PPARGC1A: variants seen among roughly 807,000 people sequenced by gnomAD.
PPARGC1A encodes the protein PPARG coactivator 1 alpha.
Under a neutral mutation model 88.7 loss-of-function variants are expected in PPARGC1A, and 25 were observed. That is an observed-to-expected ratio of 0.28 (90% CI 0.21 to 0.39). The LOEUF (loss-of-function observed/expected upper bound fraction) is 0.39. PPARGC1A is among the 10% of genes least tolerant of loss of function. The pLI, the probability that PPARGC1A is intolerant of heterozygous loss-of-function variation, is 1.00. For missense variants in PPARGC1A, 880 were observed against 968.7 expected, an observed-to-expected ratio of 0.91 and a Z score of 1.22; for synonymous variants, 363 against 355.6, an observed-to-expected ratio of 1.02 and a Z score of -0.24.
At chr4:23,962,047 G>A in the PPARGC1A span, among the ~76,000 whole-genome samples, 1 of 152,106 alleles carries the variant, frequency 6.6e-6, no homozygotes, top group East Asian at 1.9e-4. Context: ...AAGGGTTAGG[G>A]GGAAGAAATC....
the PPARGC1A span, among the ~76,000 whole-genome samples, chr4:24,257,660 C>T: frequency 2.0e-5 from 3 of 152,154 alleles, no homozygotes; most frequent in Admixed American, 2.0e-4. Flanking sequence ...ACTTAGCTCA[C>T]CATTCTGGTT....
At chr4:23,986,100 T>C in the PPARGC1A span, among the ~76,000 whole-genome samples, 1 of 151,692 alleles carries the variant, frequency 6.6e-6, no homozygotes, top group African/African-American at 2.4e-5. Context: ...TCCTGAAGAG[T>C]TAGGAAAGGT....
chr4:23,811,519 G>T (rs1720891244), intron 10 of PPARGC1A, among the ~76,000 whole-genome samples: 1 of 152,192 alleles, frequency 6.6e-6, no homozygotes, highest in Non-Finnish European at 1.5e-5. Context: ...CTCTGAGGGG[G>T]CTCAATGGGA....
At chr4:23,838,883 C>T (rs1008650293) in intron 2 of PPARGC1A, among the ~76,000 whole-genome samples, 2 of 143,830 alleles carry the variant, frequency 1.4e-5, no homozygotes, top group African/African-American at 2.6e-5. Flanking sequence ...AGTGCATTCT[C>T]TGATATTCAA....
At chr4:24,271,920 A>G in the PPARGC1A span, among the ~76,000 whole-genome samples, 1 of 152,102 alleles carries the variant, frequency 6.6e-6, no homozygotes, top group Non-Finnish European at 1.5e-5. Context: ...CATACTTGTT[A>G]TTATATTATA....
the PPARGC1A span, among the ~76,000 whole-genome samples, chr4:23,924,681 G>A: frequency 6.6e-6 from 1 of 152,136 alleles, no homozygotes; most frequent in Non-Finnish European, 1.5e-5. Context: ...GGATCTCAGA[G>A]TTTACTTTCT....
the PPARGC1A span, among the ~76,000 whole-genome samples, chr4:24,472,015 C>T: frequency 6.6e-6 from 1 of 152,038 alleles, no homozygotes; most frequent in East Asian, 1.9e-4. This position sits in a 1 kb window ranked among gnomAD's most constrained non-coding sequence, Gnocchi z 4.5. Context: ...GCGCGGCGCC[C>T]GCGGCGACTT....
chr4:23,960,790 A>T, the PPARGC1A span, among the ~76,000 whole-genome samples: 2 of 152,008 alleles, frequency 1.3e-5, no homozygotes, highest in African/African-American at 2.4e-5. Flanking sequence ...GGCTCCCCTT[A>T]ATCTGCCCAA....
the PPARGC1A span, among the ~76,000 whole-genome samples, chr4:24,119,753 T>C: frequency 6.6e-6 from 1 of 152,070 alleles, no homozygotes; most frequent in Non-Finnish European, 1.5e-5. Flanking sequence ...TAGAATGAAT[T>C]GAAATGTGAG....
upstream of PPARGC1A, among the ~76,000 whole-genome samples, chr4:23,902,337 G>T (rs181265046): frequency 5.1e-4 from 78 of 152,214 alleles, no homozygotes; most frequent in Non-Finnish European, 7.2e-4. Context: ...GAATTATTAA[G>T]GGAAAGTAGA....
chr4:24,458,499 T>C, the PPARGC1A span, among the ~76,000 whole-genome samples: 1 of 152,148 alleles, frequency 6.6e-6, no homozygotes. Context: ...AGACCCTGTC[T>C]CAAAAGAAAA....
At chr4:24,326,964 C>T in the PPARGC1A span, among the ~76,000 whole-genome samples, 62 of 152,278 alleles carry the variant, frequency 4.1e-4, no homozygotes, top group Admixed American at 1.1e-3. Flanking sequence ...TTTAGGCTTC[C>T]CACCTCTATA....
At chr4:24,236,066 C>T in the PPARGC1A span, among the ~76,000 whole-genome samples, 16 of 152,302 alleles carry the variant, frequency 1.1e-4, no homozygotes, top group East Asian at 7.7e-4. Flanking sequence ...TGCTGTGGGA[C>T]GGCATATCAA....
the PPARGC1A span, among the ~76,000 whole-genome samples, chr4:24,084,216 A>C: frequency 1.3e-5 from 2 of 152,352 alleles, no homozygotes; most frequent in African/African-American, 4.8e-5. Flanking sequence ...GCAGGTGATC[A>C]ATCAGTACTG....
the PPARGC1A span, among the ~76,000 whole-genome samples, chr4:24,059,812 T>G: frequency 6.6e-6 from 1 of 152,212 alleles, no homozygotes; most frequent in Non-Finnish European, 1.5e-5. Flanking sequence ...AACAAGGATC[T>G]CTTCTCTCCA....
chr4:23,820,074 A>G (rs1257200696), intron 7 of PPARGC1A, among the ~76,000 whole-genome samples: 2 of 152,172 alleles, frequency 1.3e-5, no homozygotes, highest in East Asian at 1.9e-4. Flanking sequence ...TGTAAAATTC[A>G]ACATAAAAGT....
chr4:24,365,078 T>G, the PPARGC1A span, among the ~76,000 whole-genome samples: 1 of 152,050 alleles, frequency 6.6e-6, no homozygotes, highest in African/African-American at 2.4e-5. Context: ...CCAGATCTGT[T>G]TGAGTCAGAA....
chr4:24,160,006 G>A, the PPARGC1A span, among the ~76,000 whole-genome samples: 3 of 152,192 alleles, frequency 2.0e-5, no homozygotes, highest in African/African-American at 4.8e-5. Context: ...ATTAGACTTT[G>A]GAAGTAGGCA....
the PPARGC1A span, among the ~76,000 whole-genome samples, chr4:24,178,168 T>G: frequency 6.6e-6 from 1 of 152,332 alleles, no homozygotes; most frequent in Admixed American, 6.5e-5. Context: ...CATTCTTCAT[T>G]TTAACATGCA....
Sources: gnomAD v4.1 joint callset for allele counts (sites outside exome capture counted in the v4.1 genomes callset) on GRCh38, gnomAD v4.1.1 for gene constraint, Gnocchi (gnomAD v3.1) non-coding constraint, MANE v1.5 for transcripts, NCBI Gene and HGNC (gene_info 2026-07-23, HGNC 2026-07-21) for gene names.